ZMYND12: variants seen among roughly 807,000 people sequenced by gnomAD.
ZMYND12 encodes the protein zinc finger MYND-type containing 12.
In ZMYND12, 32 loss-of-function variants were observed where a neutral mutation model predicts 41.7. That is an observed-to-expected ratio of 0.77 (90% CI 0.58 to 1.03). The LOEUF is 1.03. Among genes scored for constraint, ZMYND12 ranks in the 50% least tolerant of loss-of-function variants. The pLI is 0.00. For synonymous variants in ZMYND12, 148 were observed against 164.8 expected, an observed-to-expected ratio of 0.90 and a Z score of 0.78; for missense variants, 424 against 438.5, an observed-to-expected ratio of 0.97 and a Z score of 0.30.
chr1:42,455,187 T>C (rs886195033), intron 1 of ZMYND12, among the ~76,000 whole-genome samples: 4 of 152,242 alleles, frequency 2.6e-5, no homozygotes, highest in Non-Finnish European at 5.9e-5. Context: ...GGGAATGCCC[T>C]ACCCTTCTTC....
intron 7 of ZMYND12, among the ~76,000 whole-genome samples, chr1:42,432,043 C>CTTTTCT (rs1329467577): frequency 1.4e-5 from 2 of 142,220 alleles, no homozygotes; most frequent in Non-Finnish European, 3.1e-5. Context: ...TCTTCTTCTT[C>CTTTTCT]TTTTCTTTTT....
chr1:42,454,377 T>G (rs1307110016), intron 1 of ZMYND12, among the ~76,000 whole-genome samples: 1 of 152,174 alleles, frequency 6.6e-6, no homozygotes, highest in East Asian at 1.9e-4. Flanking sequence ...AAGAAATAAA[T>G]AAATGATTTC....
intron 3 of ZMYND12, among the ~76,000 whole-genome samples, chr1:42,446,544 C>T (rs1480498192): frequency 6.6e-5 from 10 of 151,250 alleles, no homozygotes; most frequent in Admixed American, 3.3e-4. Context: ...CCCAGCTACT[C>T]GGGAGGCTGA....
chr1:42,441,058 G>A (rs796500720), intron 3 of ZMYND12, among the ~76,000 whole-genome samples: 3 of 152,276 alleles, frequency 2.0e-5, no homozygotes, highest in African/African-American at 7.2e-5. Flanking sequence ...CCCTTTCTGT[G>A]CCAGGCCTTG....
chr1:42,439,994 A>T lies in ZMYND12; in HGVS notation c.456T>A (p.Tyr152Ter). The T allele has an allele frequency of 6.2e-7, 1 of 1,613,036 alleles. No homozygotes were observed. Among genetic ancestry groups the T allele is most frequent in the Non-Finnish European group, 8.5e-7 (1 of 1,179,738 alleles). Residue 152 changes from tyrosine to a stop codon, truncating the protein, a stop_gained, in exon 4 of 8, where the codon TAT becomes TAA. Coordinates refer to ENST00000372565, the MANE Select transcript of ZMYND12 (RefSeq NM_032257.5). LOFTEE classifies it high-confidence loss of function. ...GGACTGTCCACTGGGCTTGGAATAG[A>T]TATTCTTCAGCCTGAACGATTCGGC... ...GLGRIVQAEE[Y>*]LFQAQWTVLK... is the part of the protein sequence containing the mutation.
intron 3 of ZMYND12, among the ~76,000 whole-genome samples, chr1:42,444,460 T>C (rs1009617911): frequency 2.0e-5 from 3 of 152,346 alleles, no homozygotes; most frequent in African/African-American, 7.2e-5. Context: ...GAAGTTACAG[T>C]GAAATCTTCC....
At chr1:42,442,618 A>G (rs774185210) in intron 3 of ZMYND12, among the ~76,000 whole-genome samples, 1 of 152,100 alleles carries the variant, frequency 6.6e-6, no homozygotes, top group Non-Finnish European at 1.5e-5. Flanking sequence ...CATTGGTGTG[A>G]TAGGTGCTGC....
At chr1:42,431,448 GA>G (rs1557764955) in intron 7 of ZMYND12, among the ~76,000 whole-genome samples, 6 of 152,024 alleles carry the variant, frequency 3.9e-5, no homozygotes, top group Admixed American at 3.3e-4. Context: ...AAATGCTAAG[GA>G]AAAAAATAAA....
chr1:42,448,980 C>G (rs1312991194), intron 2 of ZMYND12, among the ~76,000 whole-genome samples: 1 of 152,198 alleles, frequency 6.6e-6, no homozygotes, highest in African/African-American at 2.4e-5. Context: ...TCAGGACAAT[C>G]TGAAACTTTC....
chr1:42,432,748 C>A, intron 7 of ZMYND12: 1 of 171,186 alleles, frequency 5.8e-6, no homozygotes, highest in Non-Finnish European at 1.2e-5. Flanking sequence ...GGTAAAAGTA[C>A]TCAAAAAGTT....
At chr1:42,455,540 C>G (rs9786998) in intron 1 of ZMYND12, among the ~76,000 whole-genome samples, 51,037 of 152,180 alleles carry the variant, frequency 0.34, 9,177 homozygotes, top group East Asian at 0.59. Context: ...TCCCGAAGTG[C>G]TGGGATTACA....
chr1:42,446,194 G>T (rs1643021999), intron 3 of ZMYND12, among the ~76,000 whole-genome samples: 1 of 152,156 alleles, frequency 6.6e-6, no homozygotes, highest in Non-Finnish European at 1.5e-5. Context: ...AGCGGGGATT[G>T]ATTCATACAG....
Position 42,439,860 on chromosome 1 carries a change from T to C in ZMYND12, c.590A>G (p.Asn197Ser), listed in dbSNP as rs1234071095. ...GTTATAACTTAGCTTGTTTACATCA[T>C]TGGCCAGATGATAACGGGCCTCTTC... ...NYEEARYHLA[N>S]DIYFASCAFG... The change falls in exon 4 of 8, where the codon AAT becomes AGT. Residue 197 changes from asparagine to serine, a missense_variant. By Grantham distance (46) the Asn-to-Ser change is conservative (BLOSUM62 1). Coordinates refer to ENST00000372565, the MANE Select transcript of ZMYND12 (RefSeq NM_032257.5). 1.2e-6 allele frequency: 2 copies of C among 1,609,720 alleles called. No individual in the cohort carries two copies. The highest frequency in any genetic ancestry group is 1.3e-5 in the African/African-American group (1 of 74,796).
At chr1:42,451,644 A>T (rs1255219027) in intron 1 of ZMYND12, among the ~76,000 whole-genome samples, 1 of 152,232 alleles carries the variant, frequency 6.6e-6, no homozygotes, top group Non-Finnish European at 1.5e-5. Flanking sequence ...CTTGGACAAT[A>T]GAAATGCAAT....
intron 3 of ZMYND12, among the ~76,000 whole-genome samples, chr1:42,445,129 A>G (rs61777371): frequency 0.99 from 149,244 of 150,484 alleles, 74,021 homozygotes; most frequent in East Asian, 1. Flanking sequence ...TTCTTTAAAC[A>G]AGTATATTAA....
chr1:42,453,122 T>C (rs1436548729), intron 1 of ZMYND12, among the ~76,000 whole-genome samples: 1 of 152,052 alleles, frequency 6.6e-6, no homozygotes, highest in Non-Finnish European at 1.5e-5. Flanking sequence ...TCAAAACCTA[T>C]AGAACAACAA....
intron 3 of ZMYND12, 46 bp downstream of exon 3, chr1:42,448,421 T>C (rs1343446763): frequency 1.3e-6 from 2 of 1,500,138 alleles, no homozygotes; most frequent in Non-Finnish European, 1.8e-6. Flanking sequence ...GACCCAAACA[T>C]AACACCACTT....
At chr1:42,446,881 G>A (rs978047938) in intron 3 of ZMYND12, among the ~76,000 whole-genome samples, 15 of 152,250 alleles carry the variant, frequency 9.9e-5, no homozygotes, top group African/African-American at 3.6e-4. Context: ...AAGCAGTCAA[G>A]TGAGCAAAGA....
At chr1:42,435,137 T>C (rs371867898) in intron 6 of ZMYND12, 137 bp downstream of exon 6, 1 of 678,782 alleles carries the variant, frequency 1.5e-6, no homozygotes, top group African/African-American at 1.8e-5. Flanking sequence ...TGTCTCAGTT[T>C]TCTCCATCAG....
Sources: gnomAD v4.1 joint callset for allele counts (sites outside exome capture counted in the v4.1 genomes callset) on GRCh38, gnomAD v4.1.1 for gene constraint, MANE v1.5 for transcripts, NCBI Gene and HGNC (gene_info 2026-07-23, HGNC 2026-07-21) for gene names.